The following NREP variants were observed in gnomAD, a reference collection of about 807,000 sequenced individuals.
The protein encoded by NREP is neuronal regeneration-related protein.
In NREP, 5 loss-of-function variants were observed where a neutral mutation model predicts 8.6. That is an observed-to-expected ratio of 0.58 (90% CI 0.30 to 1.22). The LOEUF is 1.22. Among genes scored for constraint, NREP ranks in the 50% most tolerant of loss-of-function variants. The pLI is 0.07. For synonymous variants in NREP, 27 were observed against 28.0 expected, an observed-to-expected ratio of 0.96 and a Z score of 0.11; for missense variants, 86 against 82.5, an observed-to-expected ratio of 1.04 and a Z score of -0.17.
At chr5:111,914,813 G>C (rs988932999) in intron 2 of NREP, among the ~76,000 whole-genome samples, 1 of 152,040 alleles carries the variant, frequency 6.6e-6, no homozygotes. Flanking sequence ...AAGGTTGAAC[G>C]TTTGTCTTAG....
chr5:111,757,450 C>G (rs1013135208), upstream of NREP: 14 of 985,222 alleles, frequency 1.4e-5, no homozygotes, highest in Non-Finnish European at 1.6e-5. Flanking sequence ...CTTTCCCTCT[C>G]TCTCCCGCTA....
intron 2 of NREP, among the ~76,000 whole-genome samples, chr5:111,929,697 CTG>C (rs1390476340): frequency 1.3e-5 from 2 of 152,186 alleles, no homozygotes; most frequent in African/African-American, 4.8e-5. Context: ...TAGGGAACTT[CTG>C]TGTTATTCAA....
intron 2 of NREP, among the ~76,000 whole-genome samples, chr5:111,844,564 T>C (rs1753111288): frequency 1.3e-5 from 2 of 150,456 alleles, no homozygotes; most frequent in African/African-American, 4.9e-5. Flanking sequence ...GAGTTGTTGG[T>C]GATCCCTCTC....
chr5:111,838,181 T>C (rs6872246), intron 2 of NREP, among the ~76,000 whole-genome samples: 2,071 of 152,306 alleles, frequency 0.014, 49 homozygotes, highest in African/African-American at 0.047. Context: ...CAATATGTGA[T>C]ATAAACTCTA....
At chr5:111,831,636 G>A (rs1270787740) in intron 2 of NREP, among the ~76,000 whole-genome samples, 1 of 152,206 alleles carries the variant, frequency 6.6e-6, no homozygotes, top group Non-Finnish European at 1.5e-5. Flanking sequence ...GTTCACTGTA[G>A]GTGGCTGTCC....
chr5:111,828,321 G>T (rs965117105), intron 2 of NREP, among the ~76,000 whole-genome samples: 5 of 152,096 alleles, frequency 3.3e-5, no homozygotes, highest in African/African-American at 4.8e-5. Flanking sequence ...GAGACACCGC[G>T]CCCGGCCGGA....
chr5:111,784,433 A>C (rs1220315061), intron 2 of NREP, among the ~76,000 whole-genome samples: 2 of 152,160 alleles, frequency 1.3e-5, no homozygotes, highest in Non-Finnish European at 2.9e-5. Context: ...GGGGAAAAAG[A>C]AGCAATATTT....
At chr5:111,871,871 T>G (rs1404466794) in intron 2 of NREP, among the ~76,000 whole-genome samples, 1 of 148,212 alleles carries the variant, frequency 6.7e-6, no homozygotes, top group Admixed American at 6.8e-5. Flanking sequence ...TATTTATATA[T>G]ATATGAAAAT....
At chr5:111,932,523 A>C (rs552430382) in intron 2 of NREP, among the ~76,000 whole-genome samples, 1 of 152,232 alleles carries the variant, frequency 6.6e-6, no homozygotes, top group Non-Finnish European at 1.5e-5. Flanking sequence ...ACTCATATAC[A>C]TTTATTCAAA....
chr5:111,917,453 A>G (rs758600551), intron 2 of NREP, among the ~76,000 whole-genome samples: 6 of 152,166 alleles, frequency 3.9e-5, no homozygotes, highest in Non-Finnish European at 8.8e-5. Flanking sequence ...CAATGCAAAA[A>G]TCCTCAATAA....
intron 2 of NREP, among the ~76,000 whole-genome samples, chr5:111,931,855 T>A (rs1359377477): frequency 6.6e-6 from 1 of 152,040 alleles, no homozygotes; most frequent in Non-Finnish European, 1.5e-5. Context: ...TAAATAGATA[T>A]CTTTCTCATT....
intron 2 of NREP, among the ~76,000 whole-genome samples, chr5:111,775,117 C>G (rs977562135): frequency 6.6e-6 from 1 of 152,158 alleles, no homozygotes; most frequent in African/African-American, 2.4e-5. Flanking sequence ...CTTCTAACTC[C>G]TGGGCTCAAG....
At position 111,787,283 on chromosome 5, in the gene NREP, G is replaced by C. The variant is rs115710700; in HGVS notation, c.136-51776C>G. 2.6e-3 allele frequency among the ~76,000 whole-genome samples: 392 copies of C among 152,242 alleles called. 3 individuals carry two copies. Among genetic ancestry groups the C allele is most frequent in the African/African-American group, 9.1e-3 (378 of 41,544 alleles). ...ACACACACTTCAGCTCCAATGCCCA[G>C]TAGTTTGAAAGAGAGAGAGAAATAT... is the stretch of plus-strand genomic sequence containing the variant. On this transcript the variant is annotated intron_variant, in intron 2 of 3. Coordinates refer to the NREP transcript ENST00000395634.
At chr5:111,933,849 G>A (rs941640445) in intron 2 of NREP, among the ~76,000 whole-genome samples, 2 of 152,044 alleles carry the variant, frequency 1.3e-5, no homozygotes, top group Non-Finnish European at 2.9e-5. Flanking sequence ...AAGCTAGGGA[G>A]GACTTAGATA....
At chr5:111,823,138 A>G (rs1752547714) in intron 2 of NREP, among the ~76,000 whole-genome samples, 1 of 152,222 alleles carries the variant, frequency 6.6e-6, no homozygotes, top group African/African-American at 2.4e-5. Flanking sequence ...AGGAAGCAAA[A>G]GAGTGAGAGG....
chr5:111,885,370 G>A (rs1754213552), intron 2 of NREP, among the ~76,000 whole-genome samples: 1 of 151,896 alleles, frequency 6.6e-6, no homozygotes, highest in Non-Finnish European at 1.5e-5. Context: ...TGAGTAGGAA[G>A]AATCAATATC....
chr5:111,759,496 T>C (rs1167412412), upstream of NREP, among the ~76,000 whole-genome samples: 13 of 151,390 alleles, frequency 8.6e-5, no homozygotes, highest in African/African-American at 2.4e-4. Context: ...ATTCAGGCAA[T>C]CCTCACTACG....
intron 2 of NREP, among the ~76,000 whole-genome samples, chr5:111,934,535 C>T (rs1755629024): frequency 6.6e-6 from 1 of 151,976 alleles, no homozygotes; most frequent in Non-Finnish European, 1.5e-5. Flanking sequence ...CTGAGTGAAG[C>T]CACATAGGAC....
At chr5:111,931,742 G>A (rs1477511366) in intron 2 of NREP, among the ~76,000 whole-genome samples, 1 of 152,162 alleles carries the variant, frequency 6.6e-6, no homozygotes, top group Non-Finnish European at 1.5e-5. Flanking sequence ...TTGATAAAAT[G>A]TTCTAAAAGA....
Sources: gnomAD v4.1 joint callset for allele counts (sites outside exome capture counted in the v4.1 genomes callset) on GRCh38, gnomAD v4.1.1 for gene constraint, MANE v1.5 for transcripts, NCBI Gene and HGNC (gene_info 2026-07-23, HGNC 2026-07-21) for gene names.